Variants in ADGRB3 observed in about 807,000 individuals in gnomAD.
ADGRB3 encodes the protein brain-specific angiogenesis inhibitor 3.
Under a neutral mutation model 193.4 loss-of-function variants are expected in ADGRB3, and 37 were observed. That is an observed-to-expected ratio of 0.19 (90% CI 0.15 to 0.25). ADGRB3 has a LOEUF of 0.25. ADGRB3 is among the 10% of genes least tolerant of loss of function. The pLI is 1.00. For missense variants in ADGRB3, 1,637 were observed against 1,852.9 expected, an observed-to-expected ratio of 0.88 and a Z score of 2.14; for synonymous variants, 690 against 644.2, an observed-to-expected ratio of 1.07 and a Z score of -1.08.
intron 3 of ADGRB3, among the ~76,000 whole-genome samples, chr6:68,782,929 A>G (rs1385533393): frequency 6.6e-6 from 1 of 152,030 alleles, no homozygotes; most frequent in Non-Finnish European, 1.5e-5. Context: ...AAGTGATAAC[A>G]TATGAAATGA....
intron 20 of ADGRB3, among the ~76,000 whole-genome samples, chr6:69,279,916 C>T (rs2127284811): frequency 6.6e-6 from 1 of 151,974 alleles, no homozygotes; most frequent in East Asian, 1.9e-4. Context: ...CAAAAACCTC[C>T]AACAAGAAAA....
At chr6:69,076,270 T>G (rs1772230165) in intron 17 of ADGRB3, among the ~76,000 whole-genome samples, 1 of 152,144 alleles carries the variant, frequency 6.6e-6, no homozygotes, top group African/African-American at 2.4e-5. Context: ...GTAAGGCACA[T>G]TGCAATGTGA....
In ADGRB3 at chr6:68,956,809, G is replaced by C; in HGVS notation, c.1525G>C (p.Ala509Pro). 6.2e-7 allele frequency: 1 copy of C among 1,610,502 alleles called. No individual in the cohort carries two copies. Among genetic ancestry groups the C allele is most frequent in the Non-Finnish European group, 8.5e-7 (1 of 1,177,932 alleles). Reference protein sequence around the residue: ...VRRCNEQRCPAPYEICPEDYL... With the variant: ...VRRCNEQRCPPPYEICPEDYL... ...AAGATGCAATGAGCAGCGATGCCCTGGTGAGAATGAACCCAAATTATCCCA... is the reference window on the plus strand; with the variant it reads ...AAGATGCAATGAGCAGCGATGCCCTCGTGAGAATGAACCCAAATTATCCCA... Residue 509 changes from alanine to proline, a missense_variant and splice_region_variant, in exon 8 of 32, where the codon GCA becomes CCA. Coordinates refer to ENST00000370598, the MANE Select transcript of ADGRB3 (RefSeq NM_001704.3).
chr6:69,210,930 A>G (rs1294696510), intron 17 of ADGRB3, among the ~76,000 whole-genome samples: 1 of 151,526 alleles, frequency 6.6e-6, no homozygotes, highest in African/African-American at 2.4e-5. Context: ...CCTGGCTAAC[A>G]CGGTGAAACC....
intron 3 of ADGRB3, among the ~76,000 whole-genome samples, chr6:68,644,212 TA>T (rs898747731): frequency 6.6e-6 from 1 of 152,100 alleles, no homozygotes; most frequent in Non-Finnish European, 1.5e-5. Flanking sequence ...ACACCTTTAT[TA>T]GGGGAAGATT....
At chr6:69,077,751 A>G (rs1271067068) in intron 17 of ADGRB3, among the ~76,000 whole-genome samples, 1 of 151,992 alleles carries the variant, frequency 6.6e-6, no homozygotes, top group African/African-American at 2.4e-5. Context: ...TCAGCTTCTA[A>G]GTTGTCCTTG....
At chr6:69,239,551 A>T (rs555743081) in intron 20 of ADGRB3, among the ~76,000 whole-genome samples, 39 of 152,160 alleles carry the variant, frequency 2.6e-4, no homozygotes, top group African/African-American at 8.4e-4. Context: ...TTGTAAGAAG[A>T]TCTAATTGTA....
chr6:68,822,036 A>G (rs1212445680), intron 3 of ADGRB3, among the ~76,000 whole-genome samples: 8 of 151,896 alleles, frequency 5.3e-5, no homozygotes, highest in Non-Finnish European at 1.2e-4. Context: ...TTATACAGCT[A>G]GTAGGTAAGA....
intron 3 of ADGRB3, among the ~76,000 whole-genome samples, chr6:68,891,962 G>A (rs1766089982): frequency 1.3e-5 from 2 of 152,334 alleles, no homozygotes; most frequent in Non-Finnish European, 2.9e-5. Flanking sequence ...TCAGGAATAT[G>A]TCCCTGCACT....
rs2127332568 is a variant in ADGRB3, at chr6:69,361,302, C to T, written c.4029C>T (p.Tyr1343=). ...ETLPHERLLH[Y]KVNPEFNMNP... is the part of the protein sequence containing the mutation. ...TGCCGCATGAAAGGCTATTGCACTACAAAGTAAACCCTGAATTCAATATGA... is the reference window on the plus strand; with the variant it reads ...TGCCGCATGAAAGGCTATTGCACTATAAAGTAAACCCTGAATTCAATATGA... Residue 1343 remains tyrosine, a synonymous_variant, in exon 29 of 32, where the codon TAC becomes TAT. Coordinates refer to ENST00000370598, the MANE Select transcript of ADGRB3 (RefSeq NM_001704.3). 1.2e-6 allele frequency: 2 copies of T among 1,612,876 alleles called. No homozygotes were observed. Among genetic ancestry groups the T allele is most frequent in the Non-Finnish European group, 1.7e-6 (2 of 1,179,242 alleles).
At chr6:69,047,047 G>C (rs556376009) in intron 13 of ADGRB3, among the ~76,000 whole-genome samples, 18 of 152,188 alleles carry the variant, frequency 1.2e-4, no homozygotes, top group African/African-American at 4.1e-4. Flanking sequence ...TTTTAGTAGA[G>C]ATGGGGTTTC....
At chr6:69,363,685 A>C (rs1769502849) in intron 29 of ADGRB3, among the ~76,000 whole-genome samples, 1 of 152,042 alleles carries the variant, frequency 6.6e-6, no homozygotes, top group Admixed American at 6.6e-5. Flanking sequence ...TGGTCTTATG[A>C]TTAATAAAGA....
chr6:69,295,313 C>A (rs527662999), intron 20 of ADGRB3, among the ~76,000 whole-genome samples: 2 of 152,258 alleles, frequency 1.3e-5, no homozygotes, highest in Admixed American at 6.5e-5. Context: ...AATTGAAAAA[C>A]CGATTCAAGC....
chr6:68,994,174 A>G (rs1330776389), intron 11 of ADGRB3, among the ~76,000 whole-genome samples: 1 of 152,146 alleles, frequency 6.6e-6, no homozygotes, highest in Non-Finnish European at 1.5e-5. Flanking sequence ...TTACACCTCA[A>G]GGAGATACTG....
intron 3 of ADGRB3, among the ~76,000 whole-genome samples, chr6:68,715,732 A>G (rs531893746): frequency 6.6e-6 from 1 of 151,968 alleles, no homozygotes; most frequent in East Asian, 1.9e-4. Flanking sequence ...TAACTTTATA[A>G]ATCAGCCATT....
At chr6:69,075,891 C>T (rs1772214938) in intron 16 of ADGRB3, 104 bp from the exon 17 acceptor site, 6 of 858,038 alleles carry the variant, frequency 7.0e-6, no homozygotes, top group Admixed American at 2.5e-5. Flanking sequence ...TATTTCTTAC[C>T]ACAAGATAAG....
chr6:68,742,902 A>C (rs1033447788), intron 3 of ADGRB3, among the ~76,000 whole-genome samples: 1 of 151,774 alleles, frequency 6.6e-6, no homozygotes, highest in Admixed American at 6.6e-5. Context: ...TTTTTTCCTA[A>C]ATTTTATGTA....
intron 17 of ADGRB3, among the ~76,000 whole-genome samples, chr6:69,128,578 G>C (rs562002774): frequency 6.6e-6 from 1 of 151,798 alleles, no homozygotes; most frequent in Non-Finnish European, 1.5e-5. Flanking sequence ...CAAAAGAAAA[G>C]AAAACAACTC....
intron 17 of ADGRB3, among the ~76,000 whole-genome samples, chr6:69,215,085 A>G (rs2127243508): frequency 1.3e-5 from 2 of 152,294 alleles, no homozygotes; most frequent in South Asian, 4.1e-4. Context: ...GTCATGAAAG[A>G]CAAAGACTGA....
Sources: allele counts gnomAD v4.1 joint callset (sites outside exome capture counted in the v4.1 genomes callset), GRCh38; gene constraint gnomAD v4.1.1; transcripts MANE v1.5; gene names NCBI Gene and HGNC (gene_info 2026-07-23, HGNC 2026-07-21).